The following PCDH11Y variants were observed in gnomAD, a reference collection of about 807,000 sequenced individuals.
PCDH11Y encodes protocadherin-11 Y-linked.
For missense variants in PCDH11Y, 12 were observed against 224.8 expected (o/e 0.05, Z 6.05); for synonymous variants, 9 against 83.6 (o/e 0.11, Z 4.87).
intron 2 of PCDH11Y, among the ~76,000 whole-genome samples, chrY:5,472,339 G>A: frequency 3.2e-5 from 1 of 31,489 alleles, no homozygotes; most frequent in Admixed American, 3.0e-4. Flanking sequence ...AAAAAAATCA[G>A]TAAAAAGTAA....
intron 3 of PCDH11Y, among the ~76,000 whole-genome samples, chrY:5,506,013 C>T: frequency 3.1e-5 from 1 of 32,075 alleles, no homozygotes; most frequent in Middle Eastern, 0.015. Flanking sequence ...AACTGTGAAA[C>T]GTTAAAAGAA....
At chrY:5,730,402 T>G (rs2053603102) in intron 4 of PCDH11Y, among the ~76,000 whole-genome samples, 2 of 32,255 alleles carry the variant, frequency 6.2e-5, no homozygotes, top group African/African-American at 2.4e-4. Flanking sequence ...ATTCTATTCT[T>G]GATCCAGCAC....
chrY:5,299,335 A>G, intron 2 of PCDH11Y, among the ~76,000 whole-genome samples: 1 of 33,629 alleles, frequency 3.0e-5, no homozygotes, highest in South Asian at 6.4e-4. Flanking sequence ...AATTTTTCTT[A>G]CCCAATATTT....
chrY:5,510,704 A>G, intron 3 of PCDH11Y, among the ~76,000 whole-genome samples: 2 of 29,917 alleles, frequency 6.7e-5, no homozygotes, highest in African/African-American at 1.3e-4. Context: ...ATTTAACTGT[A>G]TTCTGTCTCT....
At chrY:5,239,126 G>A (rs1602891949) in intron 2 of PCDH11Y, among the ~76,000 whole-genome samples, 1 of 32,557 alleles carries the variant, frequency 3.1e-5, no homozygotes, top group African/African-American at 1.2e-4. Flanking sequence ...ACATGCACAC[G>A]TATGTTTATT....
intron 2 of PCDH11Y, among the ~76,000 whole-genome samples, chrY:5,125,148 C>A: frequency 9.0e-5 from 3 of 33,266 alleles, no homozygotes; most frequent in Admixed American, 8.4e-4. Context: ...CACGAAGGTT[C>A]ATTGTCTTGC....
chrY:5,019,253 ACGGTGTT>A (rs2052565366), intron 1 of PCDH11Y: 1 of 32,849 alleles, frequency 3.0e-5, no homozygotes, highest in Non-Finnish European at 7.5e-5. Context: ...ACCTCCAAGA[ACGGTGTT>A]CCCCTCGGGG....
At chrY:5,531,780 C>T (rs2053393579) in intron 3 of PCDH11Y, among the ~76,000 whole-genome samples, 1 of 29,661 alleles carries the variant, frequency 3.4e-5, no homozygotes, top group African/African-American at 1.3e-4. Context: ...CATGGTCTTG[C>T]TCAGTCACTC....
At chrY:5,006,880 C>CT (rs2052541087) in intron 1 of PCDH11Y, among the ~76,000 whole-genome samples, 1 of 33,307 alleles carries the variant, frequency 3.0e-5, no homozygotes, top group African/African-American at 1.2e-4. Context: ...ATCAAATGAC[C>CT]TATGTGTCAT....
At chrY:5,712,633 T>C (rs2053587438) in intron 4 of PCDH11Y, among the ~76,000 whole-genome samples, 1 of 33,025 alleles carries the variant, frequency 3.0e-5, no homozygotes, top group Non-Finnish European at 7.5e-5. Context: ...CTCAGAAGTT[T>C]AAAAAAAAAT....
At chrY:5,614,279 C>T (rs2053490725) in intron 4 of PCDH11Y, among the ~76,000 whole-genome samples, 1 of 23,513 alleles carries the variant, frequency 4.3e-5, no homozygotes, top group Non-Finnish European at 9.6e-5. Context: ...GAGTTCTTTC[C>T]TCTGTATGGC....
At chrY:5,522,033 C>T in intron 3 of PCDH11Y, among the ~76,000 whole-genome samples, 1 of 31,300 alleles carries the variant, frequency 3.2e-5, no homozygotes, top group Admixed American at 2.9e-4. Context: ...GCCACCATAC[C>T]GGGATAATTT....
intron 2 of PCDH11Y, among the ~76,000 whole-genome samples, chrY:5,169,383 C>T: frequency 3.1e-5 from 1 of 32,583 alleles, no homozygotes; most frequent in Non-Finnish European, 7.7e-5. Flanking sequence ...CTATACCCTA[C>T]TTCTCAGCTC....
chrY:5,619,415 C>T, intron 4 of PCDH11Y, among the ~76,000 whole-genome samples: 1 of 33,044 alleles, frequency 3.0e-5, no homozygotes, highest in Non-Finnish European at 7.5e-5. Context: ...TTTCAGGGAT[C>T]TGAATTCTAT....
At chrY:5,125,664 C>T in intron 2 of PCDH11Y, among the ~76,000 whole-genome samples, 1 of 33,226 alleles carries the variant, frequency 3.0e-5, no homozygotes, top group Non-Finnish European at 7.4e-5. Flanking sequence ...GTAGTGGAGA[C>T]TTGCTCTTTG....
intron 4 of PCDH11Y, among the ~76,000 whole-genome samples, chrY:5,631,546 G>A: frequency 3.0e-5 from 1 of 33,028 alleles, no homozygotes; most frequent in South Asian, 6.7e-4. Context: ...TTAATACTGG[G>A]AACTATTTGG....
intron 2 of PCDH11Y, among the ~76,000 whole-genome samples, chrY:5,351,295 AGTGT>A (rs756307805): frequency 0.029 from 634 of 21,905 alleles, no homozygotes; most frequent in Middle Eastern, 0.16. Context: ...ATATGTGGGG[AGTGT>A]GTGTGTGTGT....
intron 2 of PCDH11Y, among the ~76,000 whole-genome samples, chrY:5,319,615 G>T: frequency 9.1e-5 from 3 of 33,020 alleles, no homozygotes; most frequent in African/African-American, 3.5e-4. Flanking sequence ...ATTCTGTAGA[G>T]ATTTCAGCTA....
At chrY:5,151,629 A>C in intron 2 of PCDH11Y, among the ~76,000 whole-genome samples, 1 of 30,757 alleles carries the variant, frequency 3.3e-5, no homozygotes, top group East Asian at 8.8e-4. Context: ...CTGTACTACC[A>C]ATGGCATGCT....
Sources: allele counts gnomAD v4.1 joint callset (sites outside exome capture counted in the v4.1 genomes callset), GRCh38; gene constraint gnomAD v4.1.1; transcripts MANE v1.5; gene names NCBI Gene and HGNC (gene_info 2026-07-23, HGNC 2026-07-21).